The following NTRK2 variants were observed in gnomAD, a reference collection of about 807,000 sequenced individuals.
NTRK2 encodes BDNF/NT-3 growth factors receptor.
In NTRK2, 13 loss-of-function variants were observed where a neutral mutation model predicts 94.5. The ratio of observed to expected loss-of-function variants is 0.14; its 90% confidence interval spans 0.09 to 0.22. The LOEUF is 0.22. NTRK2 is among the 10% of genes least tolerant of loss of function. The pLI is 1.00. For missense variants in NTRK2, 639 were observed against 1,071.2 expected (o/e 0.60, Z 5.63); for synonymous variants, 372 against 407.4 (o/e 0.91, Z 1.05).
At chr9:84,808,090 T>A (rs2071331533) in intron 12 of NTRK2, among the ~76,000 whole-genome samples, 1 of 152,042 alleles carries the variant, frequency 6.6e-6, no homozygotes, top group Non-Finnish European at 1.5e-5. Flanking sequence ...GAAGGATGGA[T>A]CACAAAAGGC....
chr9:84,937,917 A>G (rs2078266992), intron 15 of NTRK2, among the ~76,000 whole-genome samples: 2 of 152,194 alleles, frequency 1.3e-5, no homozygotes, highest in East Asian at 1.9e-4. Context: ...AAATATATCC[A>G]CAAGTGTGCA....
intron 17 of NTRK2, among the ~76,000 whole-genome samples, chr9:85,010,446 A>G (rs1478832844): frequency 6.6e-6 from 1 of 152,238 alleles, no homozygotes; most frequent in African/African-American, 2.4e-5. Flanking sequence ...TCAGGAGGCC[A>G]TGAAAAGCTC....
intron 14 of NTRK2, among the ~76,000 whole-genome samples, chr9:84,887,671 T>C (rs1261946773): frequency 6.6e-6 from 1 of 152,338 alleles, no homozygotes; most frequent in African/African-American, 2.4e-5. Context: ...TGGCCCAAGA[T>C]GCTGTTTCCT....
chr9:84,899,001 C>T (rs1587865268), intron 14 of NTRK2, among the ~76,000 whole-genome samples: 1 of 152,176 alleles, frequency 6.6e-6, no homozygotes, highest in Non-Finnish European at 1.5e-5. Context: ...TATTTCTGAA[C>T]AAAGGCTTGC....
In NTRK2 at chr9:84,727,920, A is replaced by G; in HGVS notation, c.1120A>G (p.Ile374Val). 2 of 1,614,190 alleles carry G rather than the reference A, an allele frequency of 1.2e-6. No individual in the cohort carries two copies. The highest frequency in any genetic ancestry group is 1.7e-6 in the Non-Finnish European group (2 of 1,180,030). Residue 374 changes from isoleucine (I) to valine (V), a missense_variant, in exon 9 of 19, where the codon ATT becomes GTT. Ile to Val is a conservative substitution (Grantham distance 29). Transcript: ENST00000277120. ...TGAGTATGGGAAGGATGAGAAACAG[A>G]TTTCTGCTCACTTCATGGGCTGGCC... Reference protein sequence around the residue: ...KNEYGKDEKQISAHFMGWPGI... With the variant: ...KNEYGKDEKQVSAHFMGWPGI...
intron 12 of NTRK2, among the ~76,000 whole-genome samples, chr9:84,850,589 G>A (rs1026764288): frequency 6.6e-6 from 1 of 152,188 alleles, no homozygotes; most frequent in Non-Finnish European, 1.5e-5. Context: ...ATGACCTCAA[G>A]ACGGTCCAAT....
At chr9:84,767,729 G>GTC (rs1411880624) in intron 12 of NTRK2, among the ~76,000 whole-genome samples, 2 of 151,878 alleles carry the variant, frequency 1.3e-5, no homozygotes, top group East Asian at 3.9e-4. Flanking sequence ...CCCATACTAC[G>GTC]TCTCTCTCTC....
In NTRK2 at chr9:84,670,477, T is replaced by C. The variant is rs1485591888; in HGVS notation, c.-272T>C. Reference sequence around the variant, plus strand: ...GGTCGGTGCCCGGCGCGCCGGGCCATGCAGCGACGGCCGCCGCGGAGCTCC... The same window carrying C: ...GGTCGGTGCCCGGCGCGCCGGGCCACGCAGCGACGGCCGCCGCGGAGCTCC... On this transcript the variant is annotated 5_prime_UTR_variant, in exon 2 of 19. The change abolishes an upstream ATG in the 5' untranslated region. Coordinates refer to ENST00000277120, the MANE Select transcript of NTRK2 (RefSeq NM_006180.6). 2 of 482,612 alleles carry C rather than the reference T, an allele frequency of 4.1e-6. No individual in the cohort carries two copies. Among genetic ancestry groups the C allele is most frequent in the East Asian group, 3.7e-5 (1 of 27,334 alleles). The allele number at this position is 482,612 out of a possible 1,614,324, so 29.9% of individuals were successfully genotyped here. A position where few individuals can be genotyped will look rare whatever the true frequency, so the allele number is the denominator to read the frequency against.
intron 14 of NTRK2, among the ~76,000 whole-genome samples, chr9:84,916,968 G>A (rs189928084): frequency 9.9e-4 from 151 of 152,246 alleles, no homozygotes; most frequent in African/African-American, 3.4e-3. Context: ...CTGCCAGCTC[G>A]CTTGCATGTG....
At chr9:84,681,368 A>T (rs1315562100) in intron 2 of NTRK2, among the ~76,000 whole-genome samples, 1 of 152,176 alleles carries the variant, frequency 6.6e-6, no homozygotes, top group Non-Finnish European at 1.5e-5. Context: ...ACACTCATTC[A>T]CATATTACGT....
At chr9:84,698,772 A>G (rs891674973) in intron 2 of NTRK2, among the ~76,000 whole-genome samples, 12 of 152,188 alleles carry the variant, frequency 7.9e-5, no homozygotes, top group Non-Finnish European at 1.6e-4. Flanking sequence ...TTTAATTTAC[A>G]TTTCACATTT....
At chr9:84,770,177 CACACACACACACACACAA>C in intron 12 of NTRK2, among the ~76,000 whole-genome samples, 1 of 151,978 alleles carries the variant, frequency 6.6e-6, no homozygotes, top group African/African-American at 2.4e-5. Flanking sequence ...CACACACACA[CACACACACACACACACAA>C]ACACACAGCT....
At chr9:84,810,782 G>T in intron 12 of NTRK2, 2 of 1,422,278 alleles carry the variant, frequency 1.4e-6, no homozygotes, top group Non-Finnish European at 9.2e-7. Flanking sequence ...GAACACCAAT[G>T]CAGAGGTAAC....
chr9:84,926,842 C>T (rs2077839717), intron 14 of NTRK2, among the ~76,000 whole-genome samples: 1 of 152,206 alleles, frequency 6.6e-6, no homozygotes, highest in South Asian at 2.1e-4. Flanking sequence ...CTTGAGTATG[C>T]CCATAGGTGT....
At chr9:84,737,365 A>G (rs2063333222) in intron 9 of NTRK2, among the ~76,000 whole-genome samples, 1 of 152,250 alleles carries the variant, frequency 6.6e-6, no homozygotes, top group South Asian at 2.1e-4. Context: ...AGATTTACAT[A>G]AAGTCATAAG....
intron 12 of NTRK2, among the ~76,000 whole-genome samples, chr9:84,837,672 A>G (rs1387209539): frequency 9.9e-5 from 15 of 152,226 alleles, no homozygotes; most frequent in Admixed American, 8.5e-4. Context: ...ACATGCTACT[A>G]TGATAAACTC....
rs757451836 is a variant in NTRK2 at position 84,702,328 on chromosome 9, G to A, written c.288-20G>A. 9 of 1,613,736 alleles carry A rather than the reference G, an allele frequency of 5.6e-6. No individual in the cohort carries two copies. The African/African-American group carries it at 9.3e-5, about 17-fold the overall frequency. On this transcript the variant is annotated intron_variant, in intron 3 of 18. Coordinates refer to ENST00000277120, the MANE Select transcript of NTRK2 (RefSeq NM_006180.6). ...TTCACTGGTTCGTTCTAATGTGCAT[G>A]AAATTATGTGTTTTCACAGGACAAT...
At chr9:84,711,227 C>T (rs1564103638) in intron 6 of NTRK2, among the ~76,000 whole-genome samples, 1 of 152,178 alleles carries the variant, frequency 6.6e-6, no homozygotes, top group Non-Finnish European at 1.5e-5. Flanking sequence ...CAATTCAATC[C>T]AGCACATTCC....
chr9:84,796,463 A>G (rs148070681), intron 12 of NTRK2, among the ~76,000 whole-genome samples: 142 of 152,272 alleles, frequency 9.3e-4, no homozygotes, highest in African/African-American at 3.3e-3. Flanking sequence ...AGTATATTGG[A>G]TCCTTTCCAT....
Sources: allele counts gnomAD v4.1 joint callset (sites outside exome capture counted in the v4.1 genomes callset), GRCh38; gene constraint gnomAD v4.1.1; transcripts MANE v1.5; gene names NCBI Gene and HGNC (gene_info 2026-07-23, HGNC 2026-07-21).